Variants in POLR1A observed in about 807,000 individuals in gnomAD.
POLR1A encodes RNA polymerase I subunit A, also known as DNA-directed RNA polymerase I subunit RPA1.
POLR1A carries 84 observed loss-of-function variants against 205.3 expected under a neutral mutation model. The observed-to-expected ratio is 0.41, with a 90% CI of 0.34 to 0.49. The LOEUF is 0.49. Among genes scored for constraint, POLR1A ranks in the 20% least tolerant of loss-of-function variants. The probability of loss-of-function intolerance (pLI) is 0.22; values close to 1 mark genes in which losing one functional copy is unlikely to be tolerated. For missense variants in POLR1A, 1,645 were observed against 2,204.5 expected, an observed-to-expected ratio of 0.75 and a Z score of 5.08; for synonymous variants, 799 against 863.7, an observed-to-expected ratio of 0.93 and a Z score of 1.31.
Position 86,023,941 on chromosome 2 carries a change from G to A in POLR1A, c.*3482C>T, listed in dbSNP as rs1690207895. 1 of 152,334 alleles carries A rather than the reference G, an allele frequency of 6.6e-6. No individual in the cohort carries two copies. The highest frequency in any genetic ancestry group is 1.5e-5 in the Non-Finnish European group (1 of 68,216). The allele number at this position is 152,334 out of a possible 1,614,324, so 9.4% of individuals were successfully genotyped here. A position where few individuals can be genotyped will look rare whatever the true frequency, so the allele number is the denominator to read the frequency against. On this transcript the variant is annotated 3_prime_UTR_variant, in exon 34 of 34. Coordinates refer to ENST00000263857, the MANE Select transcript of POLR1A (RefSeq NM_015425.6). ...ATTTTTGTATTTTTAGTAGAGATGGGGTTTTGCCATGTTGGCCAGGGTGGT... is the reference window on the plus strand; with the variant it reads ...ATTTTTGTATTTTTAGTAGAGATGGAGTTTTGCCATGTTGGCCAGGGTGGT...
In POLR1A at chr2:86,020,703, G is replaced by C. The variant is rs1357932545; in HGVS notation, c.*6720C>G. On this transcript the variant is annotated 3_prime_UTR_variant, in exon 34 of 34. Transcript: ENST00000263857. ...CTCGGCATTATTGATATTTGGGGCT[G>C]GACAATTCTTTGCTGTGGAGACTGT... 6.6e-6 allele frequency: 1 copy of C among 152,166 alleles called. No individual in the cohort carries two copies. Among genetic ancestry groups the C allele is most frequent in the East Asian group, 1.9e-4 (1 of 5,200 alleles). The allele number at this position is 152,166 out of a possible 1,614,324, so 9.4% of individuals were successfully genotyped here. A position where few individuals can be genotyped will look rare whatever the true frequency, so the allele number is the denominator to read the frequency against.
chr2:86,089,883 T>G lies in POLR1A; in HGVS notation c.479A>C (p.Glu160Ala). ...AATTTCAGTTGTGTATTGTTCTAAT[T>G]CCTCCCGAATTTCAGAGGCAGAGGG... ...PDPSASEIRE[E>A]LEQYTTEIVQ... is the part of the protein sequence containing the mutation. The change falls in exon 4 of 34, where the codon GAA becomes GCA. Residue 160 changes from glutamate to alanine, a missense_variant. By Grantham distance (107) the Glu-to-Ala change is moderately radical. Transcript: ENST00000263857. 6.2e-7 allele frequency: 1 copy of G among 1,612,906 alleles called. No homozygotes were observed. Among genetic ancestry groups the G allele is most frequent in the Non-Finnish European group, 8.5e-7 (1 of 1,178,880 alleles).
At chr2:86,103,964 G>A (rs1034999091) in intron 1 of POLR1A, among the ~76,000 whole-genome samples, 11 of 152,144 alleles carry the variant, frequency 7.2e-5, no homozygotes, top group African/African-American at 2.2e-4. Flanking sequence ...ATATGATGGC[G>A]GTTTCTGGAA....
chr2:86,031,688 G>A (rs1672398290), intron 29 of POLR1A, 53 bp from the exon 30 acceptor site: 1 of 1,564,526 alleles, frequency 6.4e-7, no homozygotes, highest in Admixed American at 1.8e-5. Flanking sequence ...CCATCTACCT[G>A]GACTCTGCCT....
chr2:86,087,493 A>G (rs1673522135), intron 6 of POLR1A, among the ~76,000 whole-genome samples: 1 of 152,240 alleles, frequency 6.6e-6, no homozygotes, highest in South Asian at 2.1e-4. Flanking sequence ...ACAGCCTTCT[A>G]TCTGCCACTC....
At chr2:86,073,836 G>T (rs1157298223) in intron 12 of POLR1A, among the ~76,000 whole-genome samples, 1 of 152,076 alleles carries the variant, frequency 6.6e-6, no homozygotes, top group East Asian at 1.9e-4. Flanking sequence ...TTCCTATTGT[G>T]AGTCTGTTTC....
chr2:86,031,034 G>A (rs1672376716), intron 30 of POLR1A, among the ~76,000 whole-genome samples: 1 of 152,214 alleles, frequency 6.6e-6, no homozygotes, highest in African/African-American at 2.4e-5. Context: ...TGTGTGTCTT[G>A]AAAGATCGGG....
intron 19 of POLR1A, among the ~76,000 whole-genome samples, chr2:86,046,025 T>C (rs1194576198): frequency 6.6e-6 from 1 of 150,748 alleles, no homozygotes; most frequent in African/African-American, 2.5e-5. Context: ...AAAAGAGCCA[T>C]GTCTCAGAAC....
chr2:86,038,558 T>C, intron 27 of POLR1A, 142 bp downstream of exon 27: 1 of 750,918 alleles, frequency 1.3e-6, no homozygotes, highest in East Asian at 2.6e-5. Context: ...CAAGGCCCTC[T>C]GCTTCCTAAA....
Position 86,028,320 on chromosome 2 carries a change from C to T in POLR1A, c.4898-271G>A, listed in dbSNP as rs866940532. ...TGTTTTCACTTGGGAACTGAAACCC[C>T]AAAGGCAGGATGGGGCCAAGTTATC... is the stretch of plus-strand genomic sequence containing the variant. On this transcript the variant is annotated intron_variant, in intron 32 of 33. Transcript: ENST00000263857. The surrounding 1 kb of genome is among the most constrained non-coding windows in gnomAD (Gnocchi z 4.5). Among the ~76,000 whole-genome samples the T allele has an allele frequency of 3.6e-4, 55 of 152,324 alleles. No individual in the cohort carries two copies. Among genetic ancestry groups the T allele is most frequent in the African/African-American group, 1.3e-3 (54 of 41,572 alleles).
intron 1 of POLR1A, among the ~76,000 whole-genome samples, chr2:86,103,390 G>A (rs1459875224): frequency 2.0e-5 from 3 of 152,272 alleles, no homozygotes; most frequent in South Asian, 4.1e-4. Flanking sequence ...GAGGTAACAG[G>A]AGACTGAAAT....
intron 14 of POLR1A, among the ~76,000 whole-genome samples, chr2:86,058,978 A>G (rs1302863954): frequency 6.6e-6 from 1 of 152,150 alleles, no homozygotes; most frequent in Non-Finnish European, 1.5e-5. Context: ...TAATAATAAA[A>G]GATAAGTCAA....
At position 86,027,536 on chromosome 2, in the gene POLR1A, C is replaced by CA; in HGVS notation, c.5063-14dup. The CA allele has an allele frequency of 1.2e-6, 2 of 1,606,118 alleles. No individual in the cohort carries two copies. Among genetic ancestry groups the CA allele is most frequent in the Non-Finnish European group, 1.7e-6 (2 of 1,172,746 alleles). On this transcript the variant is annotated splice_polypyrimidine_tract_variant and intron_variant, in intron 33 of 33. Coordinates refer to ENST00000263857, the MANE Select transcript of POLR1A (RefSeq NM_015425.6). ...TCATCGTGGGATCCTGACAGAGACA[C>CA]AAAAACATGTGTCAGGGTGTTGAGG...
At chr2:86,071,228 ATGTGTGTGTG>A (rs3077169) in intron 12 of POLR1A, among the ~76,000 whole-genome samples, 4 of 43,564 alleles carry the variant, frequency 9.2e-5, no homozygotes, top group Non-Finnish European at 3.0e-4. Flanking sequence ...CTCCGTGTGC[ATGTGTGTGTG>A]TGTGTGTGTG....
intron 4 of POLR1A, among the ~76,000 whole-genome samples, chr2:86,089,149 G>A (rs1306607735): frequency 6.6e-6 from 1 of 152,162 alleles, no homozygotes; most frequent in African/African-American, 2.4e-5. Flanking sequence ...ATGCAGTGGG[G>A]GCTTGAAATA....
At chr2:86,067,319 T>C (rs1414060999) in intron 13 of POLR1A, among the ~76,000 whole-genome samples, 2 of 152,246 alleles carry the variant, frequency 1.3e-5, no homozygotes, top group African/African-American at 4.8e-5. Context: ...GGATGCTTTG[T>C]GAATAGGGTA....
chr2:86,074,410 G>T (rs1024647996), intron 12 of POLR1A, among the ~76,000 whole-genome samples: 2 of 152,162 alleles, frequency 1.3e-5, no homozygotes, highest in Non-Finnish European at 2.9e-5. Flanking sequence ...CTGTTGCCTA[G>T]TTAGGGGTCA....
At chr2:86,081,079 T>C (rs1182511742) in intron 8 of POLR1A, 101 bp from the exon 9 acceptor site, 1 of 1,088,264 alleles carries the variant, frequency 9.2e-7, no homozygotes, top group Non-Finnish European at 1.3e-6. Context: ...CACCCCACCA[T>C]GCTCAAAACA....
At position 86,041,869 on chromosome 2, in the gene POLR1A, C is replaced by G; in HGVS notation, c.3572+20G>C. The G allele has an allele frequency of 6.2e-7, 1 of 1,601,236 alleles. No individual in the cohort carries two copies. The highest frequency in any genetic ancestry group is 8.6e-7 in the Non-Finnish European group (1 of 1,168,402). On this transcript the variant is annotated intron_variant, in intron 24 of 33. Transcript: ENST00000263857. ...GGCAGATTCTCCTGCACATGTTGTG[C>G]AACAAATCACTGTCAATACCTGTCG...
Sources: allele counts gnomAD v4.1 joint callset (sites outside exome capture counted in the v4.1 genomes callset), GRCh38; gene constraint gnomAD v4.1.1; non-coding constraint Gnocchi (gnomAD v3.1); transcripts MANE v1.5; gene names NCBI Gene and HGNC (gene_info 2026-07-23, HGNC 2026-07-21).